The following ZNF483 variants were observed in gnomAD, a reference collection of about 807,000 sequenced individuals.
ZNF483 encodes zinc finger protein HIT-10.
In ZNF483, 9 loss-of-function variants were observed where a neutral mutation model predicts 28.6. The ratio of observed to expected loss-of-function variants is 0.32; its 90% CI spans 0.19 to 0.55. The LOEUF (loss-of-function observed/expected upper bound fraction) is 0.55. Among genes scored for constraint, ZNF483 ranks in the 20% least tolerant of loss-of-function variants. ZNF483 has a pLI of 0.93. For missense variants in ZNF483, 675 were observed against 871.7 expected, an observed-to-expected ratio of 0.77 and a Z score of 2.84; for synonymous variants, 322 against 306.2, an observed-to-expected ratio of 1.05 and a Z score of -0.54.
chr9:111,563,009 A>AT, intron 5 of ZNF483: 2 of 1,463,406 alleles, frequency 1.4e-6, no homozygotes, highest in South Asian at 2.9e-5. Context: ...GCTCAAACTC[A>AT]TTATGAGTAC....
intron 5 of ZNF483, chr9:111,570,232 G>C (rs1828750393): frequency 6.2e-7 from 1 of 1,605,886 alleles, no homozygotes; most frequent in East Asian, 2.2e-5. Flanking sequence ...GGGCACATTT[G>C]GGTGGCAGGA....
At chr9:111,530,484 A>G (rs570356717) in intron 2 of ZNF483, among the ~76,000 whole-genome samples, 2 of 152,080 alleles carry the variant, frequency 1.3e-5, no homozygotes, top group Admixed American at 6.5e-5. Flanking sequence ...GTTGGTCAAA[A>G]GCCCTGGAGG....
intron 5 of ZNF483, among the ~76,000 whole-genome samples, chr9:111,538,493 GAA>G (rs11463840): frequency 7.1e-6 from 1 of 140,922 alleles, no homozygotes. Context: ...CCATCTCTTA[GAA>G]AAAAAAAAAA....
intron 3 of ZNF483, among the ~76,000 whole-genome samples, chr9:111,532,329 T>G (rs1827368994): frequency 6.6e-6 from 1 of 152,026 alleles, no homozygotes; most frequent in Non-Finnish European, 1.5e-5. Flanking sequence ...AGACCCAGTC[T>G]CACAAAAAGA....
At chr9:111,565,511 T>C (rs12350023) in intron 5 of ZNF483, among the ~76,000 whole-genome samples, 4,439 of 152,210 alleles carry the variant, frequency 0.029, 208 homozygotes, top group African/African-American at 0.099. Context: ...TTCCTATAAA[T>C]CTAAAACTTC....
chr9:111,527,540 G>C lies in ZNF483; in HGVS notation c.145G>C (p.Glu49Gln), dbSNP rs771955628. The C allele has an allele frequency of 2.5e-6, 4 of 1,614,122 alleles. No individual in the cohort carries two copies. In the African/African-American group the frequency reaches 5.3e-5, roughly 22 times the overall value. The change falls in exon 2 of 6, where the codon GAG becomes CAG. Residue 49 changes from glutamate (E) to glutamine (Q), a missense_variant. Physicochemically the swap from Glu to Gln is conservative, Grantham distance 29. Transcript: ENST00000309235. ...AILRGNAADA[E>Q]SFRQRFRWFC... The stretch of plus-strand genomic sequence containing the variant: ...TTTAAGAGGAAATGCTGCTGATGCA[G>C]AGTCTTTCAGACAGAGGTTTAGGTG...
chr9:111,534,218 T>G, intron 4 of ZNF483, 43 bp from the exon 5 acceptor site: 1 of 1,526,974 alleles, frequency 6.5e-7, no homozygotes, highest in South Asian at 1.1e-5. Context: ...ATATCTTTAC[T>G]CTATGCAAAA....
intron 1 of ZNF483, among the ~76,000 whole-genome samples, 193 bp from the exon 2 acceptor site, chr9:111,527,075 C>A (rs2132209584): frequency 6.6e-6 from 1 of 151,976 alleles, no homozygotes; most frequent in South Asian, 2.1e-4. Flanking sequence ...TCACTCCAGC[C>A]TGGGCACCAA....
rs1431052583 is a variant in ZNF483, at chr9:111,547,263, A to C, written c.*4093A>C. 1.3e-5 allele frequency among the ~76,000 whole-genome samples: 2 copies of C among 152,164 alleles called. No homozygotes were observed. ...AACTACACTATTTTAAATTCCCACCAGCTATGTACAAGGGTTTCAGTATCC... is the reference window on the plus strand; with the variant it reads ...AACTACACTATTTTAAATTCCCACCCGCTATGTACAAGGGTTTCAGTATCC... On this transcript the variant is annotated 3_prime_UTR_variant, in exon 6 of 6. Coordinates refer to ENST00000309235, the MANE Select transcript of ZNF483 (RefSeq NM_133464.5).
chr9:111,547,251 T>A lies in ZNF483; in HGVS notation c.*4081T>A, dbSNP rs549569085. On this transcript the variant is annotated 3_prime_UTR_variant, in exon 6 of 6. Transcript: ENST00000309235. ...TTGAGGAAGTGCAACTACACTATTT[T>A]AAATTCCCACCAGCTATGTACAAGG... Among the ~76,000 whole-genome samples, 1 of 152,260 alleles carries A rather than the reference T, an allele frequency of 6.6e-6. No homozygotes were observed. Among genetic ancestry groups the A allele is most frequent in the African/African-American group, 2.4e-5 (1 of 41,572 alleles).
At chr9:111,576,372 T>C (rs772603607) in exon 6 of ZNF483, 3 of 1,613,988 alleles carry the variant, frequency 1.9e-6, no homozygotes, top group Non-Finnish European at 1.7e-6. Context: ...CAGACATACA[T>C]GGAGCAGTAA....
downstream of ZNF483, among the ~76,000 whole-genome samples, chr9:111,556,212 A>C (rs957391637): frequency 1.3e-5 from 2 of 152,222 alleles, no homozygotes; most frequent in Non-Finnish European, 2.9e-5. Context: ...CATGTCTCAC[A>C]TCTAGGGCAT....
intron 5 of ZNF483, chr9:111,562,784 T>C (rs1828370409): frequency 1.4e-5 from 4 of 280,006 alleles, no homozygotes; most frequent in East Asian, 1.1e-4. Flanking sequence ...GCGTGTGTTG[T>C]TCCCCTCCCT....
At chr9:111,562,930 T>A in intron 5 of ZNF483, 1 of 1,383,370 alleles carries the variant, frequency 7.2e-7, no homozygotes, top group Non-Finnish European at 9.4e-7. Context: ...GGTGACTGGT[T>A]GTTGTTGACT....
intron 5 of ZNF483, among the ~76,000 whole-genome samples, chr9:111,565,939 C>T (rs776882037): frequency 6.6e-5 from 10 of 152,080 alleles, no homozygotes; most frequent in African/African-American, 1.7e-4. Context: ...GGGCTGGGCG[C>T]GGTGGCTCAC....
chr9:111,534,414 G>A, intron 5 of ZNF483, 61 bp downstream of exon 5: 1 of 1,415,608 alleles, frequency 7.1e-7, no homozygotes, highest in Non-Finnish European at 1.0e-6. Context: ...CTGTTGAGAA[G>A]ACTCTTTGAA....
intron 5 of ZNF483, chr9:111,539,760 T>TAA: frequency 6.6e-6 from 1 of 151,144 alleles, no homozygotes; most frequent in Non-Finnish European, 1.4e-5. Context: ...AAACTCCGTC[T>TAA]CAAAAAAAAA....
chr9:111,538,125 T>G (rs1164030463), intron 5 of ZNF483, among the ~76,000 whole-genome samples: 1 of 150,942 alleles, frequency 6.6e-6, no homozygotes, highest in South Asian at 2.1e-4. Context: ...TTTTTGGGGT[T>G]GTTTTTTTTT....
rs10980925 is a variant in ZNF483 at position 111,528,523 on chromosome 9, G to A, written c.412+716G>A. On this transcript the variant is annotated intron_variant, in intron 2 of 5. Coordinates refer to ENST00000309235, the MANE Select transcript of ZNF483 (RefSeq NM_133464.5). ...GGTGAGTAGTCCTTTCAGGGAATGT[G>A]GCTCGCCTTTTTTCTCAAATTTGTA... Among the ~76,000 whole-genome samples the A allele has an allele frequency of 6.3e-4, 96 of 152,152 alleles. No individual in the cohort carries two copies. The South Asian group carries it at 8.7e-3, about 14-fold the overall frequency.
Sources: gnomAD v4.1 joint callset for allele counts (sites outside exome capture counted in the v4.1 genomes callset) on GRCh38, gnomAD v4.1.1 for gene constraint, MANE v1.5 for transcripts, NCBI Gene and HGNC (gene_info 2026-07-23, HGNC 2026-07-21) for gene names.